SLC44A5: variants seen among roughly 807,000 people sequenced by gnomAD.
SLC44A5 encodes choline transporter-like protein 5.
SLC44A5 carries 57 observed loss-of-function variants against 101.8 expected under a neutral mutation model. The ratio of observed to expected loss-of-function variants is 0.56; its 90% CI spans 0.45 to 0.70. SLC44A5 has a LOEUF of 0.70. Among genes scored for constraint, SLC44A5 ranks in the 30% least tolerant of loss-of-function variants. SLC44A5 has a pLI of 0.00. For synonymous variants in SLC44A5, 281 were observed against 290.9 expected (o/e 0.97, Z 0.35); for missense variants, 737 against 853.1 (o/e 0.86, Z 1.70).
intron 4 of SLC44A5, among the ~76,000 whole-genome samples, chr1:75,317,815 G>A (rs1189710257): frequency 6.6e-6 from 1 of 152,018 alleles, no homozygotes; most frequent in Non-Finnish European, 1.5e-5. Context: ...CTTCTTATAA[G>A]GTCACTAATC....
chr1:75,656,115 T>C, the SLC44A5 span, among the ~76,000 whole-genome samples: 2 of 152,136 alleles, frequency 1.3e-5, no homozygotes, highest in East Asian at 1.9e-4. Flanking sequence ...ATCTTCAAAG[T>C]GCTGAAGGGA....
At chr1:75,308,727 C>T (rs12744088) in intron 4 of SLC44A5, among the ~76,000 whole-genome samples, 47,315 of 152,066 alleles carry the variant, frequency 0.31, 8,935 homozygotes, top group East Asian at 0.82. Context: ...CTGTTTGGAA[C>T]ACTTTTTAAT....
chr1:75,467,860 A>G (rs551113436), intron 2 of SLC44A5, among the ~76,000 whole-genome samples: 1 of 152,302 alleles, frequency 6.6e-6, no homozygotes, highest in East Asian at 1.9e-4. Flanking sequence ...AAAGTTCTGC[A>G]CAACAAAGAA....
intron 2 of SLC44A5, among the ~76,000 whole-genome samples, chr1:75,491,307 G>A (rs114489951): frequency 0.016 from 2,425 of 152,282 alleles, 65 homozygotes; most frequent in African/African-American, 0.055. Context: ...AAGTTGATAT[G>A]CTGAGGATCA....
At chr1:75,531,124 T>C (rs1384036872) in intron 2 of SLC44A5, among the ~76,000 whole-genome samples, 1 of 152,130 alleles carries the variant, frequency 6.6e-6, no homozygotes, top group African/African-American at 2.4e-5. Context: ...GAGCAATAAA[T>C]GTAGAAGCAG....
intron 2 of SLC44A5, among the ~76,000 whole-genome samples, chr1:75,471,595 G>A (rs1299905826): frequency 6.6e-6 from 1 of 152,114 alleles, no homozygotes; most frequent in African/African-American, 2.4e-5. Context: ...CAGAGCTCAT[G>A]TCTCTTCTCC....
intron 4 of SLC44A5, among the ~76,000 whole-genome samples, chr1:75,314,740 T>C (rs902789061): frequency 6.6e-6 from 1 of 152,210 alleles, no homozygotes; most frequent in African/African-American, 2.4e-5. Context: ...TCACTTTTAT[T>C]GAGCTCAATG....
Position 75,483,882 on chromosome 1 carries a change from A to G in SLC44A5, c.13+57553T>C, listed in dbSNP as rs149440314. Among the ~76,000 whole-genome samples the G allele has an allele frequency of 1.1e-4, 16 of 152,280 alleles. No individual in the cohort carries two copies. The East Asian group carries it at 3.1e-3, about 29-fold the overall frequency. On this transcript the variant is annotated intron_variant, in intron 2 of 23. Coordinates refer to ENST00000370859, the MANE Select transcript of SLC44A5 (RefSeq NM_001130058.2). ...GAAGGGGAAGCAAGGCACATCTTAC[A>G]TGGTGGCAGGAGAGATAAAGGGAGA...
intron 2 of SLC44A5, among the ~76,000 whole-genome samples, chr1:75,403,778 C>T (rs1331258890): frequency 3.9e-5 from 6 of 152,106 alleles, no homozygotes; most frequent in Admixed American, 2.0e-4. Context: ...ACAAATACCA[C>T]AATGCCTCTT....
At chr1:75,236,548 G>T (rs17096504) in intron 11 of SLC44A5, among the ~76,000 whole-genome samples, 2 of 151,790 alleles carry the variant, frequency 1.3e-5, no homozygotes, top group Non-Finnish European at 2.9e-5. Flanking sequence ...CAATCATTAC[G>T]TGGAAGGGAT....
At chr1:75,667,734 G>C in the SLC44A5 span, among the ~76,000 whole-genome samples, 1 of 152,278 alleles carries the variant, frequency 6.6e-6, no homozygotes, top group Admixed American at 6.5e-5. Flanking sequence ...TGGGGAAATG[G>C]AATGAAGTGC....
At chr1:75,426,832 C>A (rs947699757) in intron 2 of SLC44A5, among the ~76,000 whole-genome samples, 1 of 152,210 alleles carries the variant, frequency 6.6e-6, no homozygotes, top group South Asian at 2.1e-4. Flanking sequence ...TCTATTCTAG[C>A]GGCACTGATA....
chr1:75,700,903 C>G, the SLC44A5 span, among the ~76,000 whole-genome samples: 1 of 152,176 alleles, frequency 6.6e-6, no homozygotes, highest in African/African-American at 2.4e-5. Flanking sequence ...ACTGGAAAAT[C>G]TAAAAGAAAT....
chr1:75,684,233 A>T, the SLC44A5 span, among the ~76,000 whole-genome samples: 1 of 152,296 alleles, frequency 6.6e-6, no homozygotes, highest in South Asian at 2.1e-4. Flanking sequence ...CCCACCCTTG[A>T]CACATGGGGA....
intron 6 of SLC44A5, among the ~76,000 whole-genome samples, chr1:75,262,188 G>T (rs552388839): frequency 6.6e-6 from 1 of 152,196 alleles, no homozygotes; most frequent in East Asian, 1.9e-4. Flanking sequence ...AAAAGAGGAA[G>T]TCAAATTGTC....
intron 2 of SLC44A5, among the ~76,000 whole-genome samples, chr1:75,471,873 A>G (rs998548609): frequency 1.5e-5 from 2 of 137,110 alleles, no homozygotes; most frequent in Non-Finnish European, 3.1e-5. Context: ...AGGAACCACT[A>G]AGGCTTTTTT....
chr1:75,480,062 G>A (rs200681468), intron 2 of SLC44A5, among the ~76,000 whole-genome samples: 1 of 151,944 alleles, frequency 6.6e-6, no homozygotes, highest in African/African-American at 2.4e-5. Flanking sequence ...CCATGATCAA[G>A]TGGGCTTCAT....
intron 18 of SLC44A5, among the ~76,000 whole-genome samples, chr1:75,216,736 G>C (rs1356645238): frequency 6.6e-6 from 1 of 151,704 alleles, no homozygotes; most frequent in Non-Finnish European, 1.5e-5. Context: ...TGTCCTCATT[G>C]GCCATTTGTA....
At chr1:75,391,038 G>C (rs757285625) in intron 3 of SLC44A5, among the ~76,000 whole-genome samples, 11 of 151,948 alleles carry the variant, frequency 7.2e-5, no homozygotes, top group Non-Finnish European at 1.5e-4. Flanking sequence ...TAGCATTTCT[G>C]TACAGCAGTA....
Sources: allele counts gnomAD v4.1 joint callset (sites outside exome capture counted in the v4.1 genomes callset), GRCh38; gene constraint gnomAD v4.1.1; transcripts MANE v1.5; gene names NCBI Gene and HGNC (gene_info 2026-07-23, HGNC 2026-07-21).